The following LRRC8A variants were observed in gnomAD, a reference collection of about 807,000 sequenced individuals.
LRRC8A encodes volume-regulated anion channel subunit LRRC8A.
A neutral mutation model predicts 52.5 loss-of-function variants in LRRC8A; 24 were observed. That is an observed-to-expected ratio of 0.46 (90% CI 0.33 to 0.64). The LOEUF is 0.64. LRRC8A is among the 30% of genes least tolerant of loss of function. The pLI, the probability that LRRC8A is intolerant of heterozygous loss-of-function variation, is 0.02. For missense variants in LRRC8A, 677 were observed against 1,094.7 expected (o/e 0.62, Z 5.38); for synonymous variants, 492 against 494.2 (o/e 1.00, Z 0.06).
At chr9:128,885,399 G>A (rs1308419986) in intron 1 of LRRC8A, 1 of 152,240 alleles carries the variant, frequency 6.6e-6, no homozygotes, top group Admixed American at 6.6e-5. Context: ...GTAAACATGT[G>A]CTGTTCCTCC....
At chr9:128,888,680 G>A (rs1336036711) in intron 2 of LRRC8A, among the ~76,000 whole-genome samples, 1 of 152,104 alleles carries the variant, frequency 6.6e-6, no homozygotes, top group Non-Finnish European at 1.5e-5. Flanking sequence ...CTCGTTTTGC[G>A]GGGCTGCGAG....
At chr9:128,898,243 C>T (rs1258905038) in intron 2 of LRRC8A, among the ~76,000 whole-genome samples, 4 of 152,074 alleles carry the variant, frequency 2.6e-5, no homozygotes, top group South Asian at 4.2e-4. Context: ...TTTTGTGAGA[C>T]GGAGTCTTGC....
chr9:128,913,835 C>T (rs936426685), intron 3 of LRRC8A, among the ~76,000 whole-genome samples: 2 of 152,186 alleles, frequency 1.3e-5, no homozygotes, highest in Non-Finnish European at 1.5e-5. Flanking sequence ...CAAAGCCAAC[C>T]CCAAATGCAT....
In LRRC8A at chr9:128,907,374, G is replaced by C. The variant is rs763831412; in HGVS notation, c.210G>C (p.Arg70=). The change falls in exon 3 of 4, where the codon CGG becomes CGC. Residue 70 remains arginine (R), a synonymous_variant. Transcript: ENST00000372600. The surrounding 1 kb of genome is among the most constrained non-coding windows in gnomAD (Gnocchi z 9.3). The stretch of plus-strand genomic sequence containing the variant: ...AGGACTCCTGCAATGATTCGTTCCG[G>C]GGCTGGGCAGCCCCTGGCCCGGAGC... ...VTKDSCNDSF[R]GWAAPGPEPT... is the part of the protein sequence containing the mutation. 3.1e-6 allele frequency: 5 copies of C among 1,613,532 alleles called. No homozygotes were observed. The highest frequency in any genetic ancestry group is 4.2e-6 in the Non-Finnish European group (5 of 1,179,978).
At chr9:128,886,306 CT>C (rs1839392850) in intron 2 of LRRC8A, among the ~76,000 whole-genome samples, 185 bp downstream of exon 2, 2 of 152,236 alleles carry the variant, frequency 1.3e-5, no homozygotes, top group Admixed American at 1.3e-4. Flanking sequence ...GTAATGTGTG[CT>C]TGCCGCACTC....
intron 1 of LRRC8A, among the ~76,000 whole-genome samples, chr9:128,884,660 A>T (rs528977205): frequency 7.2e-5 from 11 of 152,164 alleles, no homozygotes; most frequent in Non-Finnish European, 1.5e-5. Context: ...GGACTAGAAT[A>T]ATTAGTGACA....
rs1418973418 is a variant in LRRC8A, at chr9:128,882,222, T to TGCCGGGCG, written c.-135_-128dup. On this transcript the variant is annotated 5_prime_UTR_variant, in exon 1 of 4. Transcript: ENST00000372600. ...GGAGCGGCCGGGGCCTGGGGCTGCCTGCCGGGCGGCCGGGCGCGGCGAGCC... is the reference window on the plus strand; with the variant it reads ...GGAGCGGCCGGGGCCTGGGGCTGCCTGCCGGGCGGCCGGGCGGCCGGGCGCGGCGAGCC... 1 of 152,958 alleles carries TGCCGGGCG rather than the reference T, an allele frequency of 6.5e-6. No individual in the cohort carries two copies. The highest frequency in any genetic ancestry group is 1.5e-5 in the Non-Finnish European group (1 of 68,538). 9.5% of individuals were successfully genotyped at this position (152,958 alleles called of 1,614,324 possible). A position where few individuals can be genotyped will look rare whatever the true frequency, so the allele number is the denominator to read the frequency against.
intron 2 of LRRC8A, among the ~76,000 whole-genome samples, chr9:128,890,920 G>A (rs557526885): frequency 5.3e-5 from 8 of 152,212 alleles, no homozygotes; most frequent in African/African-American, 1.9e-4. Context: ...GGAGGCTGAG[G>A]TGGAGGATTG....
rs181485610 is a variant in LRRC8A, at chr9:128,914,164, C to A, written c.2158-1932C>A. ...AGATTACAGTGAGCCAAGATTGCGC[C>A]ACTGCACTCTCTGGGTGACAGAGTG... is the stretch of plus-strand genomic sequence containing the variant. On this transcript the variant is annotated intron_variant, in intron 3 of 3. Transcript: ENST00000372600. 6.6e-5 allele frequency among the ~76,000 whole-genome samples: 10 copies of A among 152,194 alleles called. No individual in the cohort carries two copies. In the East Asian group the frequency reaches 1.9e-3, roughly 29 times the overall value.
intron 2 of LRRC8A, among the ~76,000 whole-genome samples, chr9:128,895,189 T>TAC (rs912295052): frequency 6.6e-6 from 1 of 152,192 alleles, no homozygotes; most frequent in African/African-American, 2.4e-5. Flanking sequence ...GGTCACTGCA[T>TAC]ACACATCTAC....
At chr9:128,905,103 G>T (rs1021703242) in intron 2 of LRRC8A, among the ~76,000 whole-genome samples, 1 of 152,146 alleles carries the variant, frequency 6.6e-6, no homozygotes, top group South Asian at 2.1e-4. Flanking sequence ...TGACCAGGAG[G>T]TTGAGGCTGC....
At chr9:128,915,862 C>T (rs1840790961) in intron 3 of LRRC8A, among the ~76,000 whole-genome samples, 1 of 152,132 alleles carries the variant, frequency 6.6e-6, no homozygotes, top group African/African-American at 2.4e-5. Flanking sequence ...CGAGTGGGGA[C>T]ATGGGGGCCA....
chr9:128,895,393 T>G lies in LRRC8A; in HGVS notation c.-9+9272T>G, dbSNP rs140566971. ...AAGTTGTAAAAGCAGAGGCTTAGGC[T>G]AAACAATTTGCCTGGGGTCACAGAA... On this transcript the variant is annotated intron_variant, in intron 2 of 3. Coordinates refer to ENST00000372600, the MANE Select transcript of LRRC8A (RefSeq NM_019594.4). 2.6e-3 allele frequency among the ~76,000 whole-genome samples: 397 copies of G among 152,366 alleles called. 5 individuals are homozygous for G. The highest frequency in any genetic ancestry group is 8.6e-3 in the African/African-American group (357 of 41,580).
intron 1 of LRRC8A, among the ~76,000 whole-genome samples, chr9:128,883,222 G>A (rs968394761): frequency 6.6e-5 from 10 of 152,202 alleles, no homozygotes; most frequent in Admixed American, 5.9e-4. Flanking sequence ...AGAATGAGGT[G>A]TGGAGGGAGA....
At chr9:128,903,604 G>A (rs941416621) in intron 2 of LRRC8A, among the ~76,000 whole-genome samples, 8 of 151,576 alleles carry the variant, frequency 5.3e-5, no homozygotes, top group African/African-American at 1.5e-4. Flanking sequence ...TAGTAGAGAC[G>A]GAGTTTCACC....
chr9:128,904,400 T>C (rs1179032198), intron 2 of LRRC8A, among the ~76,000 whole-genome samples: 1 of 144,048 alleles, frequency 6.9e-6, no homozygotes, highest in Non-Finnish European at 1.6e-5. Context: ...GTGCCTGTAA[T>C]CCAGCTGCTT....
rs954821870 is a variant in LRRC8A at position 128,916,450 on chromosome 9, A to G, written c.*79A>G. ...CGGAGGGGCAGGCCTAGCTTCTCCC[A>G]GAACTCCCGGACAGCCAGGACAGCC... On this transcript the variant is annotated 3_prime_UTR_variant, in exon 4 of 4. Transcript: ENST00000372600. The surrounding 1 kb of genome is among the most constrained non-coding windows in gnomAD (Gnocchi z 6.1). 31 of 1,489,290 alleles carry G rather than the reference A, an allele frequency of 2.1e-5. No individual in the cohort carries two copies. In the South Asian group the frequency reaches 3.3e-4, roughly 16 times the overall value. The allele number at this position is 1,489,290 out of a possible 1,614,324, so 92.3% of individuals were successfully genotyped here. A position where few individuals can be genotyped will look rare whatever the true frequency, so the allele number is the denominator to read the frequency against.
At chr9:128,883,851 G>A (rs961481830) in intron 1 of LRRC8A, among the ~76,000 whole-genome samples, 5 of 152,162 alleles carry the variant, frequency 3.3e-5, no homozygotes, top group Non-Finnish European at 2.9e-5. Flanking sequence ...CTGCGCACCC[G>A]TAATCCCAGC....
intron 2 of LRRC8A, among the ~76,000 whole-genome samples, chr9:128,906,316 ATTTTTTT>A (rs71383620): frequency 5.0e-5 from 4 of 79,272 alleles, no homozygotes; most frequent in Admixed American, 1.7e-4. Flanking sequence ...CCCATGTGGA[ATTTTTTT>A]TTTTTTTTTT....
Sources: gnomAD v4.1 joint callset for allele counts (sites outside exome capture counted in the v4.1 genomes callset) on GRCh38, gnomAD v4.1.1 for gene constraint, Gnocchi (gnomAD v3.1) non-coding constraint, MANE v1.5 for transcripts, NCBI Gene and HGNC (gene_info 2026-07-23, HGNC 2026-07-21) for gene names.